The following ICA1L variants were observed in gnomAD, a reference collection of about 807,000 sequenced individuals.
ICA1L encodes the protein islet cell autoantigen 1 like.
Under a neutral mutation model 61.3 loss-of-function variants are expected in ICA1L, and 50 were observed. The observed-to-expected ratio is 0.82, with a 90% CI of 0.65 to 1.03. The LOEUF is 1.03. Among genes scored for constraint, ICA1L ranks in the 50% least tolerant of loss-of-function variants. ICA1L has a pLI of 0.00. For synonymous variants in ICA1L, 161 were observed against 191.3 expected (o/e 0.84, Z 1.31); for missense variants, 508 against 556.7 (o/e 0.91, Z 0.88).
At chr2:202,859,274 A>G (rs1694846968) in intron 1 of ICA1L, among the ~76,000 whole-genome samples, 1 of 152,222 alleles carries the variant, frequency 6.6e-6, no homozygotes, top group African/African-American at 2.4e-5. Flanking sequence ...TTATAAATAT[A>G]AATCTTTTCA....
intron 8 of ICA1L, among the ~76,000 whole-genome samples, chr2:202,814,178 C>T (rs1693465028): frequency 6.6e-6 from 1 of 152,164 alleles, no homozygotes; most frequent in Non-Finnish European, 1.5e-5. Flanking sequence ...TGAAATTTGA[C>T]CCCACCCTCA....
chr2:202,788,003 C>T (rs568471878), intron 11 of ICA1L, among the ~76,000 whole-genome samples: 1 of 152,290 alleles, frequency 6.6e-6, no homozygotes, highest in African/African-American at 2.4e-5. Flanking sequence ...CAGATAGATG[C>T]ATCAGAGGGC....
At chr2:202,810,139 T>C (rs920486675) in intron 9 of ICA1L, among the ~76,000 whole-genome samples, 1 of 152,214 alleles carries the variant, frequency 6.6e-6, no homozygotes, top group African/African-American at 2.4e-5. Flanking sequence ...CCAAAATGTC[T>C]GGCAGTAGAC....
chr2:202,824,709 G>A (rs2105855374), intron 3 of ICA1L, among the ~76,000 whole-genome samples: 1 of 152,270 alleles, frequency 6.6e-6, no homozygotes, highest in South Asian at 2.1e-4. Context: ...GAAGCTTTTA[G>A]GAGGTGTGAT....
chr2:202,804,883 T>G (rs759714316), intron 9 of ICA1L, among the ~76,000 whole-genome samples: 54 of 152,340 alleles, frequency 3.5e-4, no homozygotes, highest in Middle Eastern at 3.4e-3. Context: ...TTTCCATAAT[T>G]TGGCAATTTC....
chr2:202,798,256 C>G (rs1015209809), intron 9 of ICA1L, among the ~76,000 whole-genome samples: 2 of 151,930 alleles, frequency 1.3e-5, no homozygotes, highest in Non-Finnish European at 2.9e-5. Context: ...GAGAAAGGGT[C>G]ATGCTCTGTT....
intron 1 of ICA1L, among the ~76,000 whole-genome samples, chr2:202,834,066 A>G (rs1318678775): frequency 6.6e-6 from 1 of 152,206 alleles, no homozygotes; most frequent in Non-Finnish European, 1.5e-5. Flanking sequence ...TGTTCTTACC[A>G]CAAAAAAAGA....
intron 1 of ICA1L, among the ~76,000 whole-genome samples, chr2:202,863,278 T>A (rs1574389644): frequency 6.6e-6 from 1 of 151,930 alleles, no homozygotes; most frequent in East Asian, 1.9e-4. Flanking sequence ...GGTGACAAAG[T>A]GAGACTCCAT....
chr2:202,796,115 C>A (rs982916595), intron 10 of ICA1L, among the ~76,000 whole-genome samples: 1 of 150,154 alleles, frequency 6.7e-6, no homozygotes, highest in Admixed American at 6.6e-5. Context: ...TGCTAACACT[C>A]TACACATAAA....
At position 202,776,169 on chromosome 2, in the gene ICA1L, G is replaced by A. The variant is rs1048239068; in HGVS notation, c.*3364C>T. 6.6e-6 allele frequency: 1 copy of A among 152,130 alleles called. No homozygotes were observed. The highest frequency in any genetic ancestry group is 1.5e-5 in the Non-Finnish European group (1 of 68,012). The allele number at this position is 152,130 out of a possible 1,614,324, so 9.4% of individuals were successfully genotyped here. A position where few individuals can be genotyped will look rare whatever the true frequency, so the allele number is the denominator to read the frequency against. ...AAACCTGTTTGTTGAAATACAGTTT[G>A]TTTCTAATCATATCAAGGTTCTACA... is the stretch of plus-strand genomic sequence containing the variant. On this transcript the variant is annotated 3_prime_UTR_variant, in exon 13 of 13. Coordinates refer to ENST00000358299, the MANE Select transcript of ICA1L (RefSeq NM_001288622.3).
chr2:202,854,981 C>A (rs575186530), intron 1 of ICA1L, among the ~76,000 whole-genome samples: 3 of 151,828 alleles, frequency 2.0e-5, no homozygotes, highest in South Asian at 4.2e-4. Flanking sequence ...AACAAACAAA[C>A]AAAAAAAGAA....
intron 6 of ICA1L, 104 bp from the exon 7 acceptor site, chr2:202,816,113 TA>T: frequency 1.6e-6 from 1 of 625,074 alleles, no homozygotes; most frequent in Non-Finnish European, 2.6e-6. Context: ...TGCCAAAAAA[TA>T]AGAAGCAGGA....
rs1694571571 is a variant in ICA1L, at chr2:202,849,965, GTTGCTGTTCT to G, written c.-7-20959_-7-20950del. ...TCAGAGGAAGGAACAGGCAGCAATC[GTTGCTGTTCT>G]GTAGCCTCTGCTGGTGATACCCAGG... On this transcript the variant is annotated intron_variant, in intron 1 of 12. Coordinates refer to ENST00000358299, the MANE Select transcript of ICA1L (RefSeq NM_001288622.3). The surrounding 1 kb of genome is among the most constrained non-coding windows in gnomAD (Gnocchi z 4.5). Among the ~76,000 whole-genome samples, 1 of 152,174 alleles carries G rather than the reference GTTGCTGTTCT, an allele frequency of 6.6e-6. No individual in the cohort carries two copies. Among genetic ancestry groups the G allele is most frequent in the Non-Finnish European group, 1.5e-5 (1 of 68,022 alleles).
intron 6 of ICA1L, among the ~76,000 whole-genome samples, chr2:202,816,627 T>C (rs564724554): frequency 5.9e-5 from 9 of 152,294 alleles, no homozygotes; most frequent in African/African-American, 1.9e-4. Context: ...TAAACAGATA[T>C]CACACACTGT....
In ICA1L at chr2:202,788,374, G is replaced by A. The variant is rs145324958; in HGVS notation, c.1243+456C>T. ...TTGGTAACCAATATGGATGTGAGAAGCAAAGTGACCCCCAAGGTGCAGGGT... is the reference window on the plus strand; with the variant it reads ...TTGGTAACCAATATGGATGTGAGAAACAAAGTGACCCCCAAGGTGCAGGGT... On this transcript the variant is annotated intron_variant, in intron 11 of 12. Coordinates refer to ENST00000358299, the MANE Select transcript of ICA1L (RefSeq NM_001288622.3). 2.7e-3 allele frequency among the ~76,000 whole-genome samples: 413 copies of A among 152,226 alleles called. 3 individuals carry two copies. The highest frequency in any genetic ancestry group is 9.5e-3 in the African/African-American group (394 of 41,524).
In ICA1L at chr2:202,804,641, C is replaced by T. The variant is rs189410018; in HGVS notation, c.910+7105G>A. On this transcript the variant is annotated intron_variant, in intron 9 of 12. Transcript: ENST00000358299. ...CAAAAATTAGTAAAGATATAGAAGA[C>T]GTAGAGCAACACAAATAACAAGCTT... Among the ~76,000 whole-genome samples the T allele has an allele frequency of 2.6e-5, 4 of 152,236 alleles. No individual in the cohort carries two copies. The East Asian group carries it at 7.7e-4, about 29-fold the overall frequency.
chr2:202,782,090 A>G (rs1692425208), intron 12 of ICA1L, among the ~76,000 whole-genome samples: 2 of 152,262 alleles, frequency 1.3e-5, no homozygotes, highest in South Asian at 4.1e-4. Flanking sequence ...TCATGCCTGT[A>G]ATCCCAGCAC....
chr2:202,792,912 G>T (rs1210253652), intron 10 of ICA1L, among the ~76,000 whole-genome samples: 6 of 152,176 alleles, frequency 3.9e-5, no homozygotes, highest in African/African-American at 1.2e-4. Flanking sequence ...CCTTTTGTAT[G>T]GCTTCATTTA....
At chr2:202,821,155 A>G (rs1016775576) in intron 4 of ICA1L, among the ~76,000 whole-genome samples, 9 of 152,228 alleles carry the variant, frequency 5.9e-5, no homozygotes, top group Admixed American at 5.9e-4. Context: ...AAATTAAGCA[A>G]CCAAGAACAT....
Sources: gnomAD v4.1 joint callset for allele counts (sites outside exome capture counted in the v4.1 genomes callset) on GRCh38, gnomAD v4.1.1 for gene constraint, Gnocchi (gnomAD v3.1) non-coding constraint, MANE v1.5 for transcripts, NCBI Gene and HGNC (gene_info 2026-07-23, HGNC 2026-07-21) for gene names.